NPNT: variants seen among roughly 807,000 people sequenced by gnomAD.
NPNT encodes the protein nephronectin.
In NPNT, 45 loss-of-function variants were observed where a neutral mutation model predicts 68.6. The ratio of observed to expected loss-of-function variants is 0.66; its 90% CI spans 0.52 to 0.84. The LOEUF (loss-of-function observed/expected upper bound fraction) is 0.84. NPNT is among the 40% of genes least tolerant of loss of function. The pLI is 0.00. For synonymous variants in NPNT, 233 were observed against 253.3 expected (o/e 0.92, Z 0.76); for missense variants, 672 against 714.8 (o/e 0.94, Z 0.68).
chr4:105,917,964 G>A (rs529700927), intron 2 of NPNT, among the ~76,000 whole-genome samples: 1 of 152,236 alleles, frequency 6.6e-6, no homozygotes, highest in South Asian at 2.1e-4. Flanking sequence ...GGAGCAGAAT[G>A]GCATGCTGAA....
At position 105,970,401 on chromosome 4, in the gene NPNT, T is replaced by C; in HGVS notation, c.*1411T>C. 1 of 701,002 alleles carries C rather than the reference T, an allele frequency of 1.4e-6. No homozygotes were observed. Among genetic ancestry groups the C allele is most frequent in the Non-Finnish European group, 2.6e-6 (1 of 383,992 alleles). The allele number at this position is 701,002 out of a possible 1,614,324, so 43.4% of individuals were successfully genotyped here. A position where few individuals can be genotyped will look rare whatever the true frequency, so the allele number is the denominator to read the frequency against. ...TTTTGCCAGGAATCACAAAGATGATTAAAGGGTTGGAAAAAAAGATCTATG... is the reference window on the plus strand; with the variant it reads ...TTTTGCCAGGAATCACAAAGATGATCAAAGGGTTGGAAAAAAAGATCTATG... On this transcript the variant is annotated 3_prime_UTR_variant, in exon 12 of 12. Transcript: ENST00000379987.
At chr4:105,950,275 TC>T (rs538814608) in intron 8 of NPNT, among the ~76,000 whole-genome samples, 111 of 152,278 alleles carry the variant, frequency 7.3e-4, no homozygotes, top group African/African-American at 2.5e-3. Context: ...AGATTTTTTT[TC>T]CCCAGTGTTG....
chr4:105,919,423 A>G (rs1728070281), intron 2 of NPNT, among the ~76,000 whole-genome samples: 1 of 152,140 alleles, frequency 6.6e-6, no homozygotes, highest in Admixed American at 6.6e-5. Context: ...GTATTGATAT[A>G]ATAATGCTAT....
Position 105,948,284 on chromosome 4 carries a change from A to G in NPNT, c.1159+5582A>G, listed in dbSNP as rs535869659. Among the ~76,000 whole-genome samples, 9 of 152,322 alleles carry G rather than the reference A, an allele frequency of 5.9e-5. No individual in the cohort carries two copies. In the South Asian group the frequency reaches 1.9e-3, roughly 32 times the overall value. On this transcript the variant is annotated intron_variant, in intron 8 of 11. Coordinates refer to ENST00000379987, the MANE Select transcript of NPNT (RefSeq NM_001033047.3). ...AAACATTTGGAATTAAGGGGTTTTA[A>G]CCACTACTAAAGATAGAATATACTG...
chr4:105,940,301 G>A, intron 6 of NPNT, 92 bp downstream of exon 6: 1 of 1,331,916 alleles, frequency 7.5e-7, no homozygotes, highest in Non-Finnish European at 1.1e-6. Flanking sequence ...TCAGGGGCAG[G>A]GGAGAGTACT....
chr4:105,909,854 A>G (rs1360112626), intron 2 of NPNT, among the ~76,000 whole-genome samples: 1 of 152,160 alleles, frequency 6.6e-6, no homozygotes, highest in Admixed American at 6.6e-5. Context: ...GGCATTTATC[A>G]CCTTTAACAA....
At chr4:105,941,209 C>T (rs915184968) in intron 7 of NPNT, among the ~76,000 whole-genome samples, 2 of 152,070 alleles carry the variant, frequency 1.3e-5, no homozygotes, top group Admixed American at 6.5e-5. Flanking sequence ...AGCTGCAGTG[C>T]GCATACCTGT....
chr4:105,951,218 G>T (rs543021860), intron 8 of NPNT, among the ~76,000 whole-genome samples: 34 of 152,236 alleles, frequency 2.2e-4, no homozygotes, highest in Non-Finnish European at 4.4e-4. Context: ...AAAAGAAAAG[G>T]CGTTAATAGA....
At chr4:105,930,280 TTAAA>T (rs1729009591) in intron 3 of NPNT, among the ~76,000 whole-genome samples, 1 of 152,164 alleles carries the variant, frequency 6.6e-6, no homozygotes, top group Admixed American at 6.5e-5. Flanking sequence ...ACTAAATATG[TTAAA>T]TAAATGACAG....
intron 2 of NPNT, among the ~76,000 whole-genome samples, chr4:105,914,484 G>C (rs79024546): frequency 7.3e-6 from 1 of 137,652 alleles, no homozygotes; most frequent in Non-Finnish European, 1.5e-5. Flanking sequence ...TATATATAGA[G>C]AGAGAGATAA....
At chr4:105,897,349 G>T (rs1337868206) in intron 1 of NPNT, among the ~76,000 whole-genome samples, 3 of 151,842 alleles carry the variant, frequency 2.0e-5, no homozygotes, top group Non-Finnish European at 4.4e-5. Flanking sequence ...GTACTTTTTT[G>T]TTTTTTTTGT....
chr4:105,971,097 A>ATTT lies in NPNT; in HGVS notation c.*2118_*2120dup. ...ATTTGTTCAATGGATGATGTTTCAGATTTTTTTTTTTTTAAGAGATCCTTC... is the reference window on the plus strand; with the variant it reads ...ATTTGTTCAATGGATGATGTTTCAGATTTTTTTTTTTTTTTTAAGAGATCCTTC... On this transcript the variant is annotated 3_prime_UTR_variant, in exon 12 of 12. Coordinates refer to ENST00000379987, the MANE Select transcript of NPNT (RefSeq NM_001033047.3). 3 of 383,096 alleles carry ATTT rather than the reference A, an allele frequency of 7.8e-6. No individual in the cohort carries two copies. The highest frequency in any genetic ancestry group is 1.6e-5 in the Non-Finnish European group (3 of 189,218). 23.7% of individuals were successfully genotyped at this position (383,096 alleles called of 1,614,324 possible). A position where few individuals can be genotyped will look rare whatever the true frequency, so the allele number is the denominator to read the frequency against.
chr4:105,950,582 C>G (rs936223343), intron 8 of NPNT, among the ~76,000 whole-genome samples: 1 of 152,034 alleles, frequency 6.6e-6, no homozygotes, highest in Non-Finnish European at 1.5e-5. Flanking sequence ...GGATTACAGG[C>G]GTGCACCACC....
intron 11 of NPNT, 127 bp downstream of exon 11, chr4:105,967,571 G>A (rs1233410183): frequency 2.3e-6 from 2 of 869,674 alleles, no homozygotes; most frequent in Non-Finnish European, 1.7e-6. Flanking sequence ...GTTTTTTTCT[G>A]GGCCTGATGA....
At chr4:105,917,928 G>T (rs1727951235) in intron 2 of NPNT, among the ~76,000 whole-genome samples, 1 of 152,160 alleles carries the variant, frequency 6.6e-6, no homozygotes. Flanking sequence ...ACATGAACAT[G>T]ATGAGGAGCC....
At chr4:105,904,326 A>G (rs1447450269) in intron 2 of NPNT, among the ~76,000 whole-genome samples, 1 of 152,182 alleles carries the variant, frequency 6.6e-6, no homozygotes, top group Admixed American at 6.5e-5. Context: ...TTGCCCAATG[A>G]CTTCTTACTC....
At chr4:105,954,886 A>T (rs1436389173) in intron 8 of NPNT, among the ~76,000 whole-genome samples, 1 of 152,194 alleles carries the variant, frequency 6.6e-6, no homozygotes, top group Non-Finnish European at 1.5e-5. Flanking sequence ...TACCTGGGGA[A>T]ATTGTTAAAA....
At chr4:105,955,590 A>C (rs1731162406) in intron 8 of NPNT, among the ~76,000 whole-genome samples, 1 of 152,144 alleles carries the variant, frequency 6.6e-6, no homozygotes, top group Non-Finnish European at 1.5e-5. Flanking sequence ...AATTACAAAA[A>C]AAGTGAACCA....
intron 1 of NPNT, chr4:105,896,106 G>A: frequency 4.7e-6 from 1 of 213,278 alleles, no homozygotes. Context: ...GAACTAGACG[G>A]CTCTTCACTG....
Sources: allele counts gnomAD v4.1 joint callset (sites outside exome capture counted in the v4.1 genomes callset), GRCh38; gene constraint gnomAD v4.1.1; transcripts MANE v1.5; gene names NCBI Gene and HGNC (gene_info 2026-07-23, HGNC 2026-07-21).